ELAVL4: variants seen among roughly 807,000 people sequenced by gnomAD.
ELAVL4 encodes ELAV like RNA binding protein 4, also known as ELAV-like protein 4.
ELAVL4 carries 1 observed loss-of-function variant against 35.6 expected under a neutral mutation model. The ratio of observed to expected loss-of-function variants is 0.03; its 90% CI spans 0.01 to 0.13. The LOEUF (loss-of-function observed/expected upper bound fraction) is 0.13. Among genes scored for constraint, ELAVL4 ranks in the 10% least tolerant of loss-of-function variants. The probability of loss-of-function intolerance (pLI) is 1.00; values close to 1 mark genes in which losing one functional copy is unlikely to be tolerated. For missense variants in ELAVL4, 267 were observed against 464.9 expected, an observed-to-expected ratio of 0.57 and a Z score of 3.91; for synonymous variants, 156 against 171.0, an observed-to-expected ratio of 0.91 and a Z score of 0.69.
chr1:50,065,075 T>A (rs1188919661), intron 1 of ELAVL4, among the ~76,000 whole-genome samples: 2 of 152,224 alleles, frequency 1.3e-5, no homozygotes, highest in East Asian at 3.9e-4. Context: ...CCAGGCAACA[T>A]GGGTGTTGGC....
intron 1 of ELAVL4, among the ~76,000 whole-genome samples, chr1:50,124,425 G>C (rs1315648997): frequency 6.6e-6 from 1 of 152,074 alleles, no homozygotes; most frequent in African/African-American, 2.4e-5. Context: ...CTAAGAAACA[G>C]ATATTTTTAT....
chr1:50,116,963 A>T (rs1447591224), intron 1 of ELAVL4, among the ~76,000 whole-genome samples: 2 of 152,154 alleles, frequency 1.3e-5, no homozygotes, highest in African/African-American at 4.8e-5. Flanking sequence ...AACAAAAGTG[A>T]TATTTATGAA....
chr1:50,145,680 A>G (rs769028344), intron 2 of ELAVL4, among the ~76,000 whole-genome samples: 7 of 152,292 alleles, frequency 4.6e-5, no homozygotes, highest in Middle Eastern at 3.4e-3. Context: ...AACAGGCCCT[A>G]AGGATAGCAG....
intron 2 of ELAVL4, among the ~76,000 whole-genome samples, chr1:50,159,179 G>T (rs915437937): frequency 6.6e-6 from 1 of 152,144 alleles, no homozygotes; most frequent in African/African-American, 2.4e-5. Flanking sequence ...ACAGTATTCA[G>T]TCCTGTTTCA....
intron 1 of ELAVL4, among the ~76,000 whole-genome samples, chr1:50,059,553 TA>T (rs912595851): frequency 3.3e-4 from 49 of 147,488 alleles, no homozygotes; most frequent in African/African-American, 6.7e-4. Context: ...GGAGGTTTTT[TA>T]AAAAAAAAAA....
At chr1:50,059,263 T>G (rs1168834207) in intron 1 of ELAVL4, among the ~76,000 whole-genome samples, 2 of 152,154 alleles carry the variant, frequency 1.3e-5, no homozygotes, top group Admixed American at 6.5e-5. Context: ...ACACTAAAAC[T>G]TAGCAAGTTG....
intron 1 of ELAVL4, among the ~76,000 whole-genome samples, chr1:50,127,433 T>C (rs983503336): frequency 6.6e-6 from 1 of 151,982 alleles, no homozygotes; most frequent in Non-Finnish European, 1.5e-5. Context: ...TCTTGCAAAA[T>C]GGCAGGGTAA....
chr1:50,058,588 G>A (rs1166026271), intron 1 of ELAVL4, among the ~76,000 whole-genome samples: 6 of 149,284 alleles, frequency 4.0e-5, no homozygotes, highest in Non-Finnish European at 3.0e-5. Flanking sequence ...ATGGACCTCC[G>A]CATTAATGGT....
intron 1 of ELAVL4, among the ~76,000 whole-genome samples, chr1:50,059,646 G>A (rs947204129): frequency 5.9e-5 from 9 of 152,022 alleles, no homozygotes; most frequent in Non-Finnish European, 1.2e-4. Flanking sequence ...AAGTATTCAA[G>A]TACAAGTACA....
exon 1 of ELAVL4, chr1:50,048,107 G>T: frequency 6.8e-7 from 1 of 1,461,100 alleles, no homozygotes; most frequent in Admixed American, 2.5e-5. Flanking sequence ...CTTCCCGCCC[G>T]CCGCGCTCCG....
intron 1 of ELAVL4, among the ~76,000 whole-genome samples, chr1:50,094,763 A>AATAAATAG (rs1665646392): frequency 6.6e-6 from 1 of 150,442 alleles, no homozygotes; most frequent in Non-Finnish European, 1.5e-5. Flanking sequence ...TAAATAAATA[A>AATAAATAG]ATAAATAAAT....
intron 1 of ELAVL4, among the ~76,000 whole-genome samples, chr1:50,052,257 G>T (rs979765430): frequency 6.6e-6 from 1 of 152,086 alleles, no homozygotes; most frequent in Non-Finnish European, 1.5e-5. Flanking sequence ...AGTTCAATTT[G>T]GATTTACATG....
At chr1:50,076,019 G>A (rs1664746473) in intron 1 of ELAVL4, among the ~76,000 whole-genome samples, 2 of 152,100 alleles carry the variant, frequency 1.3e-5, no homozygotes, top group Admixed American at 6.5e-5. Flanking sequence ...AGTAGAGATG[G>A]GGTTTCGCCA....
intron 1 of ELAVL4, among the ~76,000 whole-genome samples, chr1:50,129,043 C>T (rs970863100): frequency 6.6e-6 from 1 of 151,922 alleles, no homozygotes; most frequent in Non-Finnish European, 1.5e-5. Context: ...TGAGTGTGAA[C>T]GTACTTACAA....
Position 50,192,563 on chromosome 1 carries a change from A to T in ELAVL4, c.355-1202A>T, listed in dbSNP as rs974123157. On this transcript the variant is annotated intron_variant, in intron 3 of 6. Coordinates refer to ENST00000371824, the MANE Select transcript of ELAVL4 (RefSeq NM_001144774.3). ...CACACACACACACACACACACACACACTCTCACCCCTACAGTCTTAATAGG... is the reference window on the plus strand; with the variant it reads ...CACACACACACACACACACACACACTCTCTCACCCCTACAGTCTTAATAGG... Among the ~76,000 whole-genome samples, 171 of 144,536 alleles carry T rather than the reference A, an allele frequency of 1.2e-3. 2 individuals are homozygous for T. Among genetic ancestry groups the T allele is most frequent in the East Asian group, 0.012 (55 of 4,678 alleles). The allele number at this position is 144,536 out of a possible 152,430, so 94.8% of individuals were successfully genotyped here.
intron 1 of ELAVL4, among the ~76,000 whole-genome samples, chr1:50,128,594 A>G (rs369422492): frequency 1.3e-5 from 2 of 152,092 alleles, no homozygotes; most frequent in Admixed American, 1.3e-4. Flanking sequence ...TATGTGGCAC[A>G]TGTCCGTAAT....
chr1:50,078,607 C>T (rs1192391654), intron 1 of ELAVL4, among the ~76,000 whole-genome samples: 1 of 152,128 alleles, frequency 6.6e-6, no homozygotes, highest in Admixed American at 6.5e-5. Context: ...TGGATGGTCT[C>T]AAGGTTCCTA....
chr1:50,150,520 G>A (rs1463665611), intron 2 of ELAVL4, among the ~76,000 whole-genome samples: 1 of 152,160 alleles, frequency 6.6e-6, no homozygotes, highest in African/African-American at 2.4e-5. Context: ...TCTCTCAGTA[G>A]GTGAGATGTG....
Position 50,109,299 on chromosome 1 carries a change from G to C in ELAVL4, c.9+101G>C, listed in dbSNP as rs574390770. On this transcript the variant is annotated intron_variant, in intron 1 of 6. Coordinates refer to ENST00000371824, the MANE Select transcript of ELAVL4 (RefSeq NM_001144774.3). ...TATGCTTGCACAAGAGTTTAGTTCT[G>C]TGCTGCTGTTTGGTTCCTACATTTA... 6.5e-5 allele frequency: 84 copies of C among 1,296,206 alleles called. No homozygotes were observed. The South Asian group carries it at 1.1e-3, about 16-fold the overall frequency. 80.3% of individuals were successfully genotyped at this position (1,296,206 alleles called of 1,614,324 possible). A position where few individuals can be genotyped will look rare whatever the true frequency, so the allele number is the denominator to read the frequency against.
Sources: allele counts gnomAD v4.1 joint callset (sites outside exome capture counted in the v4.1 genomes callset), GRCh38; gene constraint gnomAD v4.1.1; transcripts MANE v1.5; gene names NCBI Gene and HGNC (gene_info 2026-07-23, HGNC 2026-07-21).